The following TVP23A variants were observed in gnomAD, a reference collection of about 807,000 sequenced individuals.
The protein encoded by TVP23A is Golgi apparatus membrane protein TVP23 homolog A.
In TVP23A, 21 loss-of-function variants were observed where a neutral mutation model predicts 31.7. The observed-to-expected ratio is 0.66, with a 90% CI of 0.47 to 0.95. TVP23A has a LOEUF of 0.95. Among genes scored for constraint, TVP23A ranks in the 40% least tolerant of loss-of-function variants. The pLI is 0.00. For synonymous variants in TVP23A, 104 were observed against 96.0 expected (o/e 1.08, Z -0.49); for missense variants, 279 against 255.6 (o/e 1.09, Z -0.62).
chr16:10,816,984 G>A (rs1390551747), intron 2 of TVP23A, among the ~76,000 whole-genome samples: 1 of 151,896 alleles, frequency 6.6e-6, no homozygotes, highest in African/African-American at 2.4e-5. Flanking sequence ...ATGGAACAGA[G>A]AGAGATGTGA....
chr16:10,768,111 C>T lies in TVP23A; in HGVS notation c.*991G>A. 7.2e-7 allele frequency: 1 copy of T among 1,385,922 alleles called. No individual in the cohort carries two copies. Among genetic ancestry groups the T allele is most frequent in the East Asian group, 2.3e-5 (1 of 43,586 alleles). 85.9% of individuals were successfully genotyped at this position (1,385,922 alleles called of 1,614,324 possible). A position where few individuals can be genotyped will look rare whatever the true frequency, so the allele number is the denominator to read the frequency against. ...TAAAGGAGCCAGGGGTGTGGAAGGA[C>T]AGGTGGGTGGTGGGGTCTGTGATGA... On this transcript the variant is annotated 3_prime_UTR_variant, in exon 8 of 8. Coordinates refer to ENST00000299866, the MANE Select transcript of TVP23A (RefSeq NM_001079512.4). This position sits in a 1 kb window ranked among gnomAD's most constrained non-coding sequence, Gnocchi z 4.3.
Position 10,773,379 on chromosome 16 carries a change from T to G in TVP23A, c.387A>C (p.Ile129=), listed in dbSNP as rs369235815. ...AEARIFWLGL[I]ICPMIWIVFF... ...ACACAATCCATATCATGGGGCAGAT[T>G]ATGAGGCCCAGCCAGAAGATTCGTG... Residue 129 remains isoleucine (I), a synonymous_variant, in exon 5 of 8, where the codon ATA becomes ATC. Coordinates refer to ENST00000299866, the MANE Select transcript of TVP23A (RefSeq NM_001079512.4). The G allele has an allele frequency of 6.2e-7, 1 of 1,612,274 alleles. No individual in the cohort carries two copies. Among genetic ancestry groups the G allele is most frequent in the East Asian group, 2.2e-5 (1 of 44,852 alleles).
At chr16:10,817,736 C>T (rs1399160116) in intron 2 of TVP23A, among the ~76,000 whole-genome samples, 1 of 152,200 alleles carries the variant, frequency 6.6e-6, no homozygotes, top group Non-Finnish European at 1.5e-5. Context: ...TCTCCCATGG[C>T]TGGCTGCTTC....
At chr16:10,793,110 G>A (rs1010207931) in intron 2 of TVP23A, among the ~76,000 whole-genome samples, 5 of 152,048 alleles carry the variant, frequency 3.3e-5, no homozygotes, top group East Asian at 1.9e-4. Context: ...GCAACATAGC[G>A]AAACCCTGTC....
intron 2 of TVP23A, among the ~76,000 whole-genome samples, chr16:10,778,218 C>A (rs1239690707): frequency 1.3e-5 from 2 of 151,968 alleles, no homozygotes; most frequent in African/African-American, 2.4e-5. Flanking sequence ...CCTGTAATCC[C>A]AGCTACTCAG....
intron 2 of TVP23A, among the ~76,000 whole-genome samples, chr16:10,794,432 C>A (rs191990061): frequency 6.6e-6 from 1 of 152,220 alleles, no homozygotes; most frequent in East Asian, 1.9e-4. Flanking sequence ...CTGCAAAGAC[C>A]CTAGTTCCAA....
In TVP23A at chr16:10,811,781, G is replaced by A. The variant is rs564341480; in HGVS notation, c.89+6322C>T. Among the ~76,000 whole-genome samples, 128 of 151,788 alleles carry A rather than the reference G, an allele frequency of 8.4e-4. 1 individual carries two copies. Among genetic ancestry groups the A allele is most frequent in the African/African-American group, 2.8e-3 (116 of 41,408 alleles). ...TAGCCGGGCATGGTGGCTGGCACCT[G>A]TAGTCCCATCTACTCGGCAGGCTGA... On this transcript the variant is annotated intron_variant, in intron 2 of 7. Coordinates refer to ENST00000299866, the MANE Select transcript of TVP23A (RefSeq NM_001079512.4).
At position 10,777,802 on chromosome 16, in the gene TVP23A, G is replaced by C. The variant is rs1266926514; in HGVS notation, c.90-2706C>G. On this transcript the variant is annotated intron_variant, in intron 2 of 7. Transcript: ENST00000299866. This position sits in a 1 kb window ranked among gnomAD's most constrained non-coding sequence, Gnocchi z 4.5. ...TGAGGCAGGTGGATCACGAGGTCAAGAGACTGAGACCATCCCTGGCCAACA... is the reference window on the plus strand; with the variant it reads ...TGAGGCAGGTGGATCACGAGGTCAACAGACTGAGACCATCCCTGGCCAACA... Among the ~76,000 whole-genome samples, 1 of 151,826 alleles carries C rather than the reference G, an allele frequency of 6.6e-6. No individual in the cohort carries two copies.
chr16:10,799,462 T>C (rs562276739), intron 2 of TVP23A, among the ~76,000 whole-genome samples: 1 of 152,244 alleles, frequency 6.6e-6, no homozygotes, highest in African/African-American at 2.4e-5. Context: ...GCCTCCCGAG[T>C]AGCTCGGATT....
At chr16:10,809,299 G>T (rs140150282) in intron 2 of TVP23A, among the ~76,000 whole-genome samples, 2 of 152,194 alleles carry the variant, frequency 1.3e-5, no homozygotes, top group Non-Finnish European at 2.9e-5. Flanking sequence ...GGTTAACATC[G>T]GGCCTGGGCT....
At chr16:10,775,440 C>A (rs977857683) in intron 2 of TVP23A, 2 of 1,084,720 alleles carry the variant, frequency 1.8e-6, no homozygotes, top group Non-Finnish European at 2.2e-6. Context: ...AGATGACGGC[C>A]AGTTCCCTAA....
In TVP23A at chr16:10,775,015, C is replaced by G; in HGVS notation, c.171G>C (p.Lys57Asn). 3.1e-6 allele frequency: 5 copies of G among 1,612,892 alleles called. No individual in the cohort carries two copies. The highest frequency in any genetic ancestry group is 4.2e-6 in the Non-Finnish European group (5 of 1,179,386). ...CCATGACAAAACAGCCCACAAAGCT[C>G]TTGCTGAACCAGTCGCAGCTCACGT... ...VTYVSCDWFS[K>N]SFVGCFVMVL... The change falls in exon 3 of 8, where the codon AAG becomes AAC. Residue 57 changes from lysine to asparagine, a missense_variant. Physicochemically the swap from Lys to Asn is moderately conservative, Grantham distance 94. Coordinates refer to ENST00000299866, the MANE Select transcript of TVP23A (RefSeq NM_001079512.4).
rs1026583199 is a variant in TVP23A at position 10,777,395 on chromosome 16, A to T, written c.90-2299T>A. Among the ~76,000 whole-genome samples the T allele has an allele frequency of 1.3e-5, 2 of 152,132 alleles. No homozygotes were observed. Among genetic ancestry groups the T allele is most frequent in the African/African-American group, 2.4e-5 (1 of 41,434 alleles). On this transcript the variant is annotated intron_variant, in intron 2 of 7. Coordinates refer to ENST00000299866, the MANE Select transcript of TVP23A (RefSeq NM_001079512.4). The surrounding 1 kb of genome is among the most constrained non-coding windows in gnomAD (Gnocchi z 4.5). ...GCTTGCAACCTCTGGATTAGGTTAC[A>T]AAATGTTGTGGGCTTTGGAAAATGC...
At chr16:10,769,238 C>G in intron 7 of TVP23A, 137 bp from the exon 8 acceptor site, 2 of 694,116 alleles carry the variant, frequency 2.9e-6, no homozygotes, top group Non-Finnish European at 2.5e-6. Context: ...GGTCCGAAGC[C>G]ACTTTCTCAG....
rs373286563 is a variant in TVP23A at position 10,777,250 on chromosome 16, A to C, written c.90-2154T>G. ...AACCAGACCCAGTACTGCCAGAGCC[A>C]AGATTTTCATGAGAAGTCAGAAATC... is the stretch of plus-strand genomic sequence containing the variant. On this transcript the variant is annotated intron_variant, in intron 2 of 7. Transcript: ENST00000299866. This position sits in a 1 kb window ranked among gnomAD's most constrained non-coding sequence, Gnocchi z 4.5. 1.3e-5 allele frequency among the ~76,000 whole-genome samples: 2 copies of C among 152,292 alleles called. No homozygotes were observed. Among genetic ancestry groups the C allele is most frequent in the African/African-American group, 4.8e-5 (2 of 41,572 alleles).
At chr16:10,761,845 T>G (rs1404851425), downstream of TVP23A, 7 of 1,613,834 alleles carry the variant, frequency 4.3e-6, no homozygotes, top group Non-Finnish European at 5.9e-6. Flanking sequence ...AGAGTGCCCC[T>G]GGATCCGCTC....
chr16:10,763,132 A>G (rs933864528), downstream of TVP23A, among the ~76,000 whole-genome samples: 4 of 151,980 alleles, frequency 2.6e-5, no homozygotes, highest in Non-Finnish European at 5.9e-5. Context: ...ACAGTGAAGC[A>G]GGGGTGGTAG....
At chr16:10,765,174 C>A (rs2030678473), downstream of TVP23A, 1 of 152,592 alleles carries the variant, frequency 6.6e-6, no homozygotes, top group South Asian at 2.0e-4. The surrounding 1 kb of genome is among the most constrained non-coding windows in gnomAD (Gnocchi z 4.0). Context: ...ACAATTGCCA[C>A]ATTTTCCAAG....
chr16:10,785,413 AAG>A (rs1459891058), intron 2 of TVP23A, among the ~76,000 whole-genome samples: 1 of 152,190 alleles, frequency 6.6e-6, no homozygotes, highest in Non-Finnish European at 1.5e-5. Flanking sequence ...CAAAAAAAAA[AAG>A]AGCCAGAATT....
Sources: gnomAD v4.1 joint callset for allele counts (sites outside exome capture counted in the v4.1 genomes callset) on GRCh38, gnomAD v4.1.1 for gene constraint, Gnocchi (gnomAD v3.1) non-coding constraint, MANE v1.5 for transcripts, NCBI Gene and HGNC (gene_info 2026-07-23, HGNC 2026-07-21) for gene names.